The following PLD5 variants were observed in gnomAD, a reference collection of about 807,000 sequenced individuals.
PLD5 encodes inactive phospholipase D5.
PLD5 carries 36 observed loss-of-function variants against 61.1 expected under a neutral mutation model. That is an observed-to-expected ratio of 0.59 (90% CI 0.45 to 0.78). The LOEUF is 0.78. Ranked by LOEUF, PLD5 falls within the 30% of genes least tolerant of loss-of-function variation. PLD5 has a pLI of 0.00. For synonymous variants in PLD5, 243 were observed against 242.8 expected, an observed-to-expected ratio of 1.00 and a Z score of -0.01; for missense variants, 515 against 644.4, an observed-to-expected ratio of 0.80 and a Z score of 2.17.
intron 2 of PLD5, among the ~76,000 whole-genome samples, chr1:242,297,614 C>A (rs1675762160): frequency 7.1e-6 from 1 of 141,706 alleles, no homozygotes; most frequent in Non-Finnish European, 1.5e-5. Context: ...AGTATGGATT[C>A]ATGTTTCTTT....
chr1:242,396,740 T>C (rs1304679896), intron 1 of PLD5, among the ~76,000 whole-genome samples: 2 of 150,220 alleles, frequency 1.3e-5, no homozygotes, highest in African/African-American at 2.5e-5. Context: ...TGGCGTAATC[T>C]TGGCTCACTG....
intron 1 of PLD5, among the ~76,000 whole-genome samples, chr1:242,447,329 A>T (rs1271371700): frequency 1.3e-5 from 2 of 152,204 alleles, no homozygotes; most frequent in Non-Finnish European, 2.9e-5. Flanking sequence ...GAGTGTTTTA[A>T]ACAGTGAGTG....
At chr1:242,222,943 A>G (rs1670693967) in intron 4 of PLD5, among the ~76,000 whole-genome samples, 1 of 152,192 alleles carries the variant, frequency 6.6e-6, no homozygotes, top group Non-Finnish European at 1.5e-5. Flanking sequence ...AATTAGGGAT[A>G]AAAGACCTCA....
chr1:242,239,105 C>T (rs947793812), intron 4 of PLD5, among the ~76,000 whole-genome samples: 4 of 152,150 alleles, frequency 2.6e-5, no homozygotes, highest in African/African-American at 9.7e-5. Context: ...GTACTGTAGT[C>T]ACTCAGGGGT....
intron 9 of PLD5, among the ~76,000 whole-genome samples, chr1:242,098,205 C>T (rs180974886): frequency 7.6e-4 from 116 of 152,316 alleles, no homozygotes; most frequent in East Asian, 5.4e-3. Flanking sequence ...ACCAATCAGA[C>T]GTAGATTTGG....
chr1:242,194,177 C>T (rs1421469993), intron 5 of PLD5, among the ~76,000 whole-genome samples: 5 of 152,104 alleles, frequency 3.3e-5, no homozygotes, highest in Non-Finnish European at 4.4e-5. Context: ...GGGAATGCCT[C>T]GTCCCAGACA....
At chr1:242,462,349 G>A (rs1220861152) in intron 1 of PLD5, among the ~76,000 whole-genome samples, 1 of 152,160 alleles carries the variant, frequency 6.6e-6, no homozygotes, top group East Asian at 1.9e-4. Flanking sequence ...CATGGATGCA[G>A]TTAGAAGCCA....
intron 7 of PLD5, among the ~76,000 whole-genome samples, chr1:242,112,363 T>C (rs1230578443): frequency 7.4e-6 from 1 of 134,332 alleles, no homozygotes; most frequent in African/African-American, 2.8e-5. Context: ...AGATGGAGTC[T>C]CACTCTGTTG....
chr1:242,210,735 T>A (rs900441903), intron 5 of PLD5: 3 of 152,136 alleles, frequency 2.0e-5, no homozygotes, highest in Non-Finnish European at 2.9e-5. Flanking sequence ...ACCCAAATCT[T>A]ATAAAATGGC....
chr1:242,345,828 T>C (rs1235232231), intron 2 of PLD5: 1 of 382,576 alleles, frequency 2.6e-6, no homozygotes, highest in African/African-American at 2.1e-5. Context: ...TCCTGTGCAT[T>C]GGAGAGAAGG....
chr1:242,279,903 C>A (rs1674627325), intron 3 of PLD5, among the ~76,000 whole-genome samples: 2 of 152,290 alleles, frequency 1.3e-5, no homozygotes, highest in South Asian at 4.1e-4. Context: ...ATCTTAACTT[C>A]TTTTCATATA....
chr1:242,246,219 A>T (rs1672344342), intron 4 of PLD5, among the ~76,000 whole-genome samples: 1 of 152,036 alleles, frequency 6.6e-6, no homozygotes, highest in Non-Finnish European at 1.5e-5. Flanking sequence ...AAAAATACTT[A>T]GCCAAGCATG....
intron 1 of PLD5, among the ~76,000 whole-genome samples, chr1:242,423,080 G>A (rs1250162241): frequency 6.6e-6 from 1 of 152,002 alleles, no homozygotes; most frequent in East Asian, 1.9e-4. Flanking sequence ...TAAACTCCTG[G>A]GCTCAAGCAA....
intron 1 of PLD5, among the ~76,000 whole-genome samples, chr1:242,376,221 G>T (rs1259732693): frequency 1.3e-5 from 2 of 152,214 alleles, no homozygotes; most frequent in African/African-American, 4.8e-5. Context: ...TCCTCAAAAT[G>T]GAACTGAGGA....
intron 3 of PLD5, among the ~76,000 whole-genome samples, chr1:242,273,025 G>C (rs536697516): frequency 6.6e-6 from 1 of 152,166 alleles, no homozygotes; most frequent in South Asian, 2.1e-4. Context: ...CATCATCTGG[G>C]TTTTAAGGCC....
chr1:242,371,844 T>C (rs1319563665), intron 1 of PLD5, among the ~76,000 whole-genome samples: 1 of 151,630 alleles, frequency 6.6e-6, no homozygotes, highest in African/African-American at 2.4e-5. Flanking sequence ...AACATTTTAG[T>C]TTTTTGCCTG....
intron 5 of PLD5, among the ~76,000 whole-genome samples, chr1:242,137,510 TAGGG>T: frequency 6.6e-6 from 1 of 152,366 alleles, no homozygotes; most frequent in African/African-American, 2.4e-5. Flanking sequence ...TAACACGTTT[TAGGG>T]ATATCCTATT....
Position 242,397,198 on chromosome 1 carries a change from C to T in PLD5, c.190-48956G>A, listed in dbSNP as rs77683154. 3.5e-3 allele frequency among the ~76,000 whole-genome samples: 540 copies of T among 152,166 alleles called. 4 individuals carry two copies. Among genetic ancestry groups the T allele is most frequent in the Middle Eastern group, 0.014 (4 of 294 alleles). The stretch of plus-strand genomic sequence containing the variant: ...TCTACATAGACCTCGTTGGACCCTT[C>T]CTCTGAAACTCTAGACTTACATAGC... On this transcript the variant is annotated intron_variant, in intron 1 of 9. Transcript: ENST00000536534.
chr1:242,325,558 C>T (rs10926686), intron 2 of PLD5, among the ~76,000 whole-genome samples: 129,408 of 151,536 alleles, frequency 0.85, 55,938 homozygotes, highest in East Asian at 0.95. Context: ...AGTGCAGTGG[C>T]GCGATCTCGG....
Sources: gnomAD v4.1 joint callset for allele counts (sites outside exome capture counted in the v4.1 genomes callset) on GRCh38, gnomAD v4.1.1 for gene constraint, MANE v1.5 for transcripts, NCBI Gene and HGNC (gene_info 2026-07-23, HGNC 2026-07-21) for gene names.